TTC19: variants seen among roughly 807,000 people sequenced by gnomAD.
The protein encoded by TTC19 is tetratricopeptide repeat protein 19, mitochondrial.
In TTC19, 38 loss-of-function variants were observed where a neutral mutation model predicts 49.5. The ratio of observed to expected loss-of-function variants is 0.77; its 90% CI spans 0.59 to 1.01. The LOEUF is 1.01. Ranked by LOEUF, TTC19 falls within the 50% of genes least tolerant of loss-of-function variation. The probability of loss-of-function intolerance (pLI) is 0.00; values close to 1 mark genes in which losing one functional copy is unlikely to be tolerated. For missense variants in TTC19, 475 were observed against 477.7 expected, an observed-to-expected ratio of 0.99 and a Z score of 0.05; for synonymous variants, 204 against 185.2, an observed-to-expected ratio of 1.10 and a Z score of -0.83.
At chr17:16,024,042 T>C (rs1323446613) in intron 7 of TTC19, 1 of 152,228 alleles carries the variant, frequency 6.6e-6, no homozygotes, top group Non-Finnish European at 1.5e-5. Context: ...AGAATTTCCA[T>C]ATAATCTTGC....
chr17:16,038,393 G>A (rs952155575), intron 2 of TTC19, among the ~76,000 whole-genome samples: 1 of 151,930 alleles, frequency 6.6e-6, no homozygotes, highest in Non-Finnish European at 1.5e-5. Context: ...TCCGGATGAT[G>A]TGATCTGAAG....
At position 16,029,199 on chromosome 17, in the gene TTC19, CCA is replaced by C. The variant is rs1372990175; in HGVS notation, c.*1680_*1681del. On this transcript the variant is annotated 3_prime_UTR_variant, in exon 10 of 10. Transcript: ENST00000261647. ...TATTTATTTATTAATTTTAAATCAT[CCA>C]CAGTGACTCAGCTCATGGTCTCGTT... 1 of 453,666 alleles carries C rather than the reference CCA, an allele frequency of 2.2e-6. No individual in the cohort carries two copies. Among genetic ancestry groups the C allele is most frequent in the Non-Finnish European group, 4.4e-6 (1 of 226,712 alleles). 28.1% of individuals were successfully genotyped at this position (453,666 alleles called of 1,614,324 possible).
Position 15,999,904 on chromosome 17 carries a change from G to C in TTC19, c.56G>C (p.Arg19Pro). 7.2e-7 allele frequency: 1 copy of C among 1,395,294 alleles called. No homozygotes were observed. 86.4% of individuals were successfully genotyped at this position (1,395,294 alleles called of 1,614,324 possible). The change falls in exon 1 of 10, where the codon CGG becomes CCG. Residue 19 changes from arginine to proline, a missense_variant. By Grantham distance (103) the Arg-to-Pro change is moderately radical. Transcript: ENST00000261647. ...CGAGGCTTCCTGCGGGCCGCGGGGC[G>C]GCGGTGCCGGGGCTGCTCCGCGCGC... Reference protein sequence around the residue: ...LGRGFLRAAGRRCRGCSARLL... With the variant: ...LGRGFLRAAGPRCRGCSARLL...
intron 7 of TTC19, among the ~76,000 whole-genome samples, chr17:16,008,465 T>A (rs537823840): frequency 6.6e-6 from 1 of 152,048 alleles, no homozygotes; most frequent in Non-Finnish European, 1.5e-5. Flanking sequence ...GGATCAGCCA[T>A]CAAAATATAT....
chr17:16,032,182 A>C, downstream of TTC19: 1 of 1,065,338 alleles, frequency 9.4e-7, no homozygotes, highest in East Asian at 3.0e-5. Flanking sequence ...GGCTCTCCTG[A>C]AAAGTCTCAG....
Position 16,028,845 on chromosome 17 carries a change from A to C in TTC19, c.*1323A>C, listed in dbSNP as rs1971710459. On this transcript the variant is annotated 3_prime_UTR_variant, in exon 10 of 10. Transcript: ENST00000261647. ...AAAAAAAAAAAAAAAAAAAAAAAAA[A>C]ACTTTCTGAAGAAAATAAAAACACC... 2 of 376,014 alleles carry C rather than the reference A, an allele frequency of 5.3e-6. No homozygotes were observed. Among genetic ancestry groups the C allele is most frequent in the Non-Finnish European group, 5.1e-6 (1 of 196,838 alleles). The allele number at this position is 376,014 out of a possible 1,614,324, so 23.3% of individuals were successfully genotyped here. A position where few individuals can be genotyped will look rare whatever the true frequency, so the allele number is the denominator to read the frequency against.
At chr17:16,024,768 C>T (rs1971497203) in intron 7 of TTC19, 2 of 498,224 alleles carry the variant, frequency 4.0e-6, no homozygotes, top group Non-Finnish European at 7.2e-6. Flanking sequence ...TCATTTGTTT[C>T]TGCTGAATAT....
At chr17:16,014,694 A>G (rs1971164509) in intron 7 of TTC19, among the ~76,000 whole-genome samples, 1 of 152,188 alleles carries the variant, frequency 6.6e-6, no homozygotes, top group South Asian at 2.1e-4. Context: ...ATCCAAAGGA[A>G]ATATTCCAAA....
intron 2 of TTC19, among the ~76,000 whole-genome samples, chr17:16,037,084 C>T (rs1299003800): frequency 6.6e-6 from 1 of 151,968 alleles, no homozygotes; most frequent in Non-Finnish European, 1.5e-5. Flanking sequence ...GTTAATTGGC[C>T]GAATTTGAAT....
chr17:16,017,921 A>G (rs1436112902), intron 7 of TTC19, among the ~76,000 whole-genome samples: 1 of 152,166 alleles, frequency 6.6e-6, no homozygotes, highest in African/African-American at 2.4e-5. Flanking sequence ...GGGAAGGTAT[A>G]TGTATATATG....
chr17:16,000,335 C>A, intron 2 of TTC19, 90 bp downstream of exon 2: 1 of 1,551,730 alleles, frequency 6.4e-7, no homozygotes. Flanking sequence ...CTCTCCGCCT[C>A]GCCGAAGAGT....
At chr17:16,040,885 A>T (rs533789552) in intron 2 of TTC19, 2 of 191,020 alleles carry the variant, frequency 1.0e-5, no homozygotes, top group East Asian at 1.4e-4. Context: ...AAATAAATAA[A>T]TAAATAAAAA....
chr17:16,004,246 T>C lies in TTC19; in HGVS notation c.565T>C (p.Tyr189His). The C allele has an allele frequency of 6.2e-7, 1 of 1,614,180 alleles. No homozygotes were observed. The highest frequency in any genetic ancestry group is 2.2e-5 in the East Asian group (1 of 44,892). Residue 189 changes from tyrosine (Y) to histidine (H), a missense_variant, in exon 6 of 10, where the codon TAT (tyrosine) becomes CAT (histidine). Coordinates refer to ENST00000261647, the MANE Select transcript of TTC19 (RefSeq NM_017775.4). ...IEISLKLASI[Y>H]AAQNRQEFAV... is the part of the protein sequence containing the mutation. ...AATTTCCCTAAAGCTGGCCAGTATC[T>C]ATGCTGCGCAGAACAGGTAAGTACA...
chr17:16,030,804 C>T (rs1971851380), downstream of TTC19: 1 of 183,086 alleles, frequency 5.5e-6, no homozygotes. Context: ...AGGGATTAGA[C>T]ACCAGTGATA....
At chr17:16,033,301 C>T (rs1430258261), downstream of TTC19, among the ~76,000 whole-genome samples, 1 of 144,234 alleles carries the variant, frequency 6.9e-6, no homozygotes, top group Non-Finnish European at 1.5e-5. Context: ...CACCATTGCA[C>T]TCCAGCCTGG....
At chr17:16,032,413 T>C (rs1180914155), downstream of TTC19, 2 of 1,614,112 alleles carry the variant, frequency 1.2e-6, no homozygotes, top group Middle Eastern at 1.6e-4. Flanking sequence ...AGGGAGCACA[T>C]GCAATCGGTG....
chr17:16,041,362 A>C (rs1184166575), intron 2 of TTC19: 1 of 151,342 alleles, frequency 6.6e-6, no homozygotes, highest in Non-Finnish European at 1.5e-5. Flanking sequence ...TGCAGAAAGC[A>C]AGTGGGCAGC....
chr17:16,028,844 A>AAAAAAAAAAC lies in TTC19; in HGVS notation c.*1324_*1325insAAAAAAACAA, dbSNP rs1567590728. The AAAAAAAAAAC allele has an allele frequency of 2.6e-6, 1 of 377,904 alleles. No homozygotes were observed. The highest frequency in any genetic ancestry group is 5.1e-6 in the Non-Finnish European group (1 of 197,920). 23.4% of individuals were successfully genotyped at this position (377,904 alleles called of 1,614,324 possible). A position where few individuals can be genotyped will look rare whatever the true frequency, so the allele number is the denominator to read the frequency against. ...AAAAAAAAAAAAAAAAAAAAAAAAA[A>AAAAAAAAAAC]AACTTTCTGAAGAAAATAAAAACAC... On this transcript the variant is annotated 3_prime_UTR_variant, in exon 10 of 10. Transcript: ENST00000261647.
downstream of TTC19, chr17:16,030,504 A>T: frequency 5.1e-6 from 1 of 197,990 alleles, no homozygotes; most frequent in East Asian, 7.8e-5. Flanking sequence ...AAAAAAAAAA[A>T]TTCAGCAGAA....
Sources: gnomAD v4.1 joint callset for allele counts (sites outside exome capture counted in the v4.1 genomes callset) on GRCh38, gnomAD v4.1.1 for gene constraint, MANE v1.5 for transcripts, NCBI Gene and HGNC (gene_info 2026-07-23, HGNC 2026-07-21) for gene names.